NAV3: variants seen among roughly 807,000 people sequenced by gnomAD.
NAV3 encodes neuron navigator 3, also known as pore membrane and/or filament interacting like protein 1.
Under a neutral mutation model 244.7 loss-of-function variants are expected in NAV3, and 87 were observed. The ratio of observed to expected loss-of-function variants is 0.36; its 90% CI spans 0.30 to 0.42. NAV3 has a LOEUF of 0.42. Among genes scored for constraint, NAV3 ranks in the 20% least tolerant of loss-of-function variants. NAV3 has a pLI of 1.00. For synonymous variants in NAV3, 1,126 were observed against 1,042.2 expected (o/e 1.08, Z -1.55); for missense variants, 2,663 against 2,893.3 (o/e 0.92, Z 1.83).
intron 2 of NAV3, among the ~76,000 whole-genome samples, chr12:77,637,011 G>A (rs979618767): frequency 6.6e-6 from 1 of 151,922 alleles, no homozygotes; most frequent in African/African-American, 2.4e-5. Flanking sequence ...CTTAGGAGAG[G>A]GATAGCATTA....
chr12:77,782,648 C>T (rs1369648414), intron 2 of NAV3, among the ~76,000 whole-genome samples: 1 of 150,462 alleles, frequency 6.6e-6, no homozygotes, highest in East Asian at 1.9e-4. Context: ...CCTTTTTACA[C>T]AGTTTTCATC....
At chr12:77,667,892 T>G (rs1192045730) in intron 2 of NAV3, among the ~76,000 whole-genome samples, 1 of 152,142 alleles carries the variant, frequency 6.6e-6, no homozygotes, top group Non-Finnish European at 1.5e-5. Flanking sequence ...TCACAGAGTC[T>G]TCTTCACTCC....
Position 77,819,366 on chromosome 12 carries a change from G to A in NAV3, c.73-120953G>A, listed in dbSNP as rs1207809154. Among the ~76,000 whole-genome samples the A allele has an allele frequency of 2.6e-5, 4 of 151,312 alleles. No homozygotes were observed. The East Asian group carries it at 7.8e-4, about 29-fold the overall frequency. Reference sequence around the variant, plus strand: ...CATTGACTAATAATGAGGATTTTAAGCTGAGGTCCCTCAGGGTACAAACTT... The same window carrying A: ...CATTGACTAATAATGAGGATTTTAAACTGAGGTCCCTCAGGGTACAAACTT... On this transcript the variant is annotated intron_variant, in intron 2 of 8. Transcript: ENST00000550042.
At position 78,210,478 on chromosome 12, in the gene NAV3, T is replaced by C. The variant is rs745523209; in HGVS notation, c.7119T>C (p.His2373=). 3 of 1,613,902 alleles carry C rather than the reference T, an allele frequency of 1.9e-6. No homozygotes were observed. The highest frequency in any genetic ancestry group is 2.5e-6 in the Non-Finnish European group (3 of 1,179,872). ...QSCDSESTSH[H]EDILDSSLES... Reference sequence around the variant, plus strand: ...GCGACAGCGAAAGCACCAGCCACCATGAAGACATTTTGGATTCATCTCTTG... The same window carrying C: ...GCGACAGCGAAAGCACCAGCCACCACGAAGACATTTTGGATTCATCTCTTG... Residue 2373 remains histidine, a synonymous_variant, in exon 40 of 40, where the codon CAT becomes CAC. Transcript: ENST00000397909.
intron 2 of NAV3, among the ~76,000 whole-genome samples, chr12:77,659,091 A>C (rs2137027400): frequency 6.6e-6 from 1 of 151,998 alleles, no homozygotes; most frequent in East Asian, 1.9e-4. Context: ...ATGGCAACAA[A>C]AGCCAAAATT....
At chr12:77,978,748 G>A (rs1319088908) in intron 5 of NAV3, among the ~76,000 whole-genome samples, 2 of 151,752 alleles carry the variant, frequency 1.3e-5, no homozygotes, top group African/African-American at 4.8e-5. Flanking sequence ...AATAAAGTCA[G>A]TAACTATTAA....
At chr12:77,777,259 C>T (rs1870408785) in intron 2 of NAV3, among the ~76,000 whole-genome samples, 2 of 152,012 alleles carry the variant, frequency 1.3e-5, no homozygotes, top group Admixed American at 1.3e-4. Context: ...ACAATTATAA[C>T]AATATAATGA....
intron 1 of NAV3, among the ~76,000 whole-genome samples, chr12:77,900,494 A>G (rs1040800931): frequency 3.9e-5 from 6 of 152,150 alleles, no homozygotes; most frequent in Admixed American, 1.3e-4. Context: ...AGATGCATCC[A>G]TGTTACAACT....
intron 16 of NAV3, among the ~76,000 whole-genome samples, chr12:78,125,069 T>C (rs893029268): frequency 6.6e-6 from 1 of 152,166 alleles, no homozygotes; most frequent in Non-Finnish European, 1.5e-5. Context: ...TTCAAGTACA[T>C]TTAAGAAAGT....
At position 78,122,219 on chromosome 12, in the gene NAV3, T is replaced by A. The variant is rs754262779; in HGVS notation, c.4029T>A (p.Gly1343=). 1 of 1,614,138 alleles carries A rather than the reference T, an allele frequency of 6.2e-7. No individual in the cohort carries two copies. Among genetic ancestry groups the A allele is most frequent in the Non-Finnish European group, 8.5e-7 (1 of 1,180,026 alleles). Residue 1343 remains glycine, a synonymous_variant, in exon 16 of 40, where the codon GGT becomes GGA. Transcript: ENST00000397909. Reference sequence around the variant, plus strand: ...CGGTTCACTCTTTCACATCAGGTGGTCTCGTGTGGGCTGCCAATATGAGCA... The same window carrying A: ...CGGTTCACTCTTTCACATCAGGTGGACTCGTGTGGGCTGCCAATATGAGCA... The part of the protein sequence containing the change: ...PASVHSFTSG[G]LVWAANMSSS...
chr12:77,712,190 G>A (rs1291433276), intron 2 of NAV3, among the ~76,000 whole-genome samples: 1 of 152,130 alleles, frequency 6.6e-6, no homozygotes, highest in Non-Finnish European at 1.5e-5. Context: ...GAGCGAAAGG[G>A]TTATATTTTT....
At chr12:77,951,926 G>C (rs963858056) in intron 3 of NAV3, among the ~76,000 whole-genome samples, 1 of 152,168 alleles carries the variant, frequency 6.6e-6, no homozygotes, top group South Asian at 2.1e-4. Flanking sequence ...CGTGGGGCAG[G>C]GGGAGAGGGG....
At chr12:77,898,137 A>G (rs1251749325) in intron 1 of NAV3, among the ~76,000 whole-genome samples, 2 of 152,238 alleles carry the variant, frequency 1.3e-5, no homozygotes, top group Admixed American at 6.5e-5. Context: ...TATCACACAC[A>G]CTTGAACAAA....
At chr12:77,635,497 A>G (rs1450499126) in intron 2 of NAV3, among the ~76,000 whole-genome samples, 1 of 152,226 alleles carries the variant, frequency 6.6e-6, no homozygotes, top group African/African-American at 2.4e-5. Context: ...TTTTAAAGGT[A>G]TATTCTATGT....
intron 1 of NAV3, among the ~76,000 whole-genome samples, chr12:77,834,349 A>C (rs1335216839): frequency 6.6e-6 from 1 of 152,236 alleles, no homozygotes; most frequent in Non-Finnish European, 1.5e-5. Flanking sequence ...AAAATCAGTT[A>C]AAATAAAATA....
chr12:78,003,193 A>G (rs942646229), intron 7 of NAV3, among the ~76,000 whole-genome samples: 7 of 102,130 alleles, frequency 6.9e-5, no homozygotes, highest in Non-Finnish European at 1.2e-4. Flanking sequence ...GAGGAGGTGC[A>G]TGAGGATCCA....
intron 2 of NAV3, among the ~76,000 whole-genome samples, chr12:77,778,205 C>G (rs1171189246): frequency 5.0e-5 from 7 of 140,572 alleles, no homozygotes; most frequent in Non-Finnish European, 9.3e-5. Flanking sequence ...CCCCTCCTCT[C>G]CCCTCTCCTT....
At chr12:77,746,420 T>C (rs1868546011) in intron 2 of NAV3, among the ~76,000 whole-genome samples, 1 of 152,062 alleles carries the variant, frequency 6.6e-6, no homozygotes, top group South Asian at 2.1e-4. Context: ...ATTGTAAAAA[T>C]GGGTTTCCTG....
At chr12:77,744,010 T>A (rs1774820384) in intron 2 of NAV3, among the ~76,000 whole-genome samples, 2 of 151,886 alleles carry the variant, frequency 1.3e-5, no homozygotes. Flanking sequence ...ACTGAAATGA[T>A]CTCTAGAGCT....
Sources: gnomAD v4.1 joint callset for allele counts (sites outside exome capture counted in the v4.1 genomes callset) on GRCh38, gnomAD v4.1.1 for gene constraint, MANE v1.5 for transcripts, NCBI Gene and HGNC (gene_info 2026-07-23, HGNC 2026-07-21) for gene names.